TTC27: variants seen among roughly 807,000 people sequenced by gnomAD.
TTC27 encodes tetratricopeptide repeat protein 27.
TTC27 carries 79 observed loss-of-function variants against 115.9 expected under a neutral mutation model. The ratio of observed to expected loss-of-function variants is 0.68; its 90% CI spans 0.57 to 0.82. TTC27 has a LOEUF of 0.82. Ranked by LOEUF, TTC27 falls within the 40% of genes least tolerant of loss-of-function variation. TTC27 has a pLI of 0.00. For synonymous variants in TTC27, 401 were observed against 356.0 expected (o/e 1.13, Z -1.42); for missense variants, 1,054 against 993.1 (o/e 1.06, Z -0.82).
chr2:32,658,710 G>T (rs186569083), intron 5 of TTC27, among the ~76,000 whole-genome samples: 130 of 152,196 alleles, frequency 8.5e-4, no homozygotes, highest in South Asian at 2.3e-3. Context: ...TTCTGTTTGG[G>T]GGATCAATTG....
intron 2 of TTC27, among the ~76,000 whole-genome samples, chr2:32,631,164 A>G (rs1380191032): frequency 6.6e-6 from 1 of 152,142 alleles, no homozygotes; most frequent in African/African-American, 2.4e-5. Context: ...TTAGCTGGGC[A>G]TGGTGGCATG....
chr2:32,680,929 C>T (rs1572509658), intron 9 of TTC27, among the ~76,000 whole-genome samples: 1 of 152,158 alleles, frequency 6.6e-6, no homozygotes, highest in Middle Eastern at 3.4e-3. Context: ...ACCTATTCTC[C>T]TTCCCTTGCA....
rs372729688 is a variant in TTC27, at chr2:32,755,476, G to A, written c.1453-2816G>A. On this transcript the variant is annotated intron_variant, in intron 12 of 19. Coordinates refer to ENST00000317907, the MANE Select transcript of TTC27 (RefSeq NM_017735.5). ...CGCGTGCCTGCAATCGCAGACACTC[G>A]GCAGGCTGAGGCAGGAGAATCAGGC... 2.8e-4 allele frequency among the ~76,000 whole-genome samples: 43 copies of A among 152,308 alleles called. No homozygotes were observed. The East Asian group carries it at 7.3e-3, about 26-fold the overall frequency.
intron 10 of TTC27, among the ~76,000 whole-genome samples, chr2:32,706,075 CTCTTTTTTTT>C (rs1419772748): frequency 1.2e-5 from 1 of 83,050 alleles, no homozygotes; most frequent in Non-Finnish European, 2.4e-5. Flanking sequence ...ATTTACCTTA[CTCTTTTTTTT>C]TTTTTTTTTT....
chr2:32,712,419 G>A (rs1271990119), intron 10 of TTC27, among the ~76,000 whole-genome samples: 1 of 152,154 alleles, frequency 6.6e-6, no homozygotes, highest in African/African-American at 2.4e-5. Flanking sequence ...CTATGATTCA[G>A]AAGCTGCTTG....
At chr2:32,651,780 G>T (rs1335228948) in intron 5 of TTC27, among the ~76,000 whole-genome samples, 3 of 152,136 alleles carry the variant, frequency 2.0e-5, no homozygotes, top group Non-Finnish European at 2.9e-5. Flanking sequence ...TTCTAGGACA[G>T]AAATACATAA....
chr2:32,680,579 G>A (rs553246577), intron 9 of TTC27, among the ~76,000 whole-genome samples: 207 of 152,226 alleles, frequency 1.4e-3, no homozygotes, highest in African/African-American at 4.7e-3. Context: ...TGAAATGAGG[G>A]ATGGGGGAAG....
intron 16 of TTC27, among the ~76,000 whole-genome samples, chr2:32,799,387 A>G (rs1356017249): frequency 2.6e-5 from 4 of 152,194 alleles, no homozygotes; most frequent in Non-Finnish European, 4.4e-5. Context: ...TCTAAATTGT[A>G]TGTTATGTGT....
chr2:32,651,338 G>T (rs1191568138), intron 5 of TTC27, among the ~76,000 whole-genome samples: 5 of 151,972 alleles, frequency 3.3e-5, no homozygotes, highest in Non-Finnish European at 7.4e-5. Flanking sequence ...ACCTTTTGGG[G>T]GTCTGTTTCC....
chr2:32,801,534 G>A (rs1670939025), intron 16 of TTC27, among the ~76,000 whole-genome samples: 1 of 152,148 alleles, frequency 6.6e-6, no homozygotes, highest in South Asian at 2.1e-4. Context: ...TAGTTACATT[G>A]CAAAGACCCT....
At position 32,650,236 on chromosome 2, in the gene TTC27, A is replaced by T; in HGVS notation, c.640+3A>T. ...TGCCGAAAACTGTATTGATCAAGGT[A>T]TGTAGCAGATTTTTGTTTGATATGG... is the stretch of plus-strand genomic sequence containing the variant. On this transcript the variant is annotated splice_donor_region_variant and intron_variant, in intron 5 of 19. Coordinates refer to ENST00000317907, the MANE Select transcript of TTC27 (RefSeq NM_017735.5). 6.2e-7 allele frequency: 1 copy of T among 1,611,206 alleles called. No homozygotes were observed. Among genetic ancestry groups the T allele is most frequent in the Non-Finnish European group, 8.5e-7 (1 of 1,178,400 alleles).
At chr2:32,798,285 AG>A (rs1333692994) in intron 16 of TTC27, among the ~76,000 whole-genome samples, 1 of 151,868 alleles carries the variant, frequency 6.6e-6, no homozygotes, top group Non-Finnish European at 1.5e-5. Context: ...CTGTAGTCCC[AG>A]CTATTTGGGA....
intron 10 of TTC27, among the ~76,000 whole-genome samples, chr2:32,711,297 T>TA (rs1667572238): frequency 6.6e-6 from 1 of 152,174 alleles, no homozygotes; most frequent in Admixed American, 6.6e-5. Context: ...ATTAGACAGT[T>TA]ACTTCTGCCT....
intron 9 of TTC27, among the ~76,000 whole-genome samples, chr2:32,697,169 G>A (rs1177060121): frequency 6.8e-6 from 1 of 146,736 alleles, no homozygotes; most frequent in Non-Finnish European, 1.5e-5. Context: ...TCTAGCTTGG[G>A]CAATAGAGTG....
chr2:32,662,963 C>G (rs1201769086), intron 5 of TTC27, among the ~76,000 whole-genome samples: 1 of 152,118 alleles, frequency 6.6e-6, no homozygotes, highest in Non-Finnish European at 1.5e-5. Flanking sequence ...TCCAGAGATT[C>G]TTTGTTTACA....
In TTC27 at chr2:32,628,266, G is replaced by C. The variant is rs777287142; in HGVS notation, c.-27G>C. ...TCCCGTGTGGCCCTCGTGGGAGCCTGTTTTGGCTGCAGCGGTGTCTGGGGT... is the reference window on the plus strand; with the variant it reads ...TCCCGTGTGGCCCTCGTGGGAGCCTCTTTTGGCTGCAGCGGTGTCTGGGGT... On this transcript the variant is annotated 5_prime_UTR_variant, in exon 1 of 20. Coordinates refer to ENST00000317907, the MANE Select transcript of TTC27 (RefSeq NM_017735.5). 4 of 1,593,122 alleles carry C rather than the reference G, an allele frequency of 2.5e-6. No homozygotes were observed. Among genetic ancestry groups the C allele is most frequent in the South Asian group, 1.1e-5 (1 of 87,226 alleles).
At chr2:32,746,343 C>A (rs1000071845) in intron 12 of TTC27, among the ~76,000 whole-genome samples, 6 of 151,742 alleles carry the variant, frequency 4.0e-5, no homozygotes, top group Non-Finnish European at 5.9e-5. Flanking sequence ...GGGTGGATTA[C>A]CTGAGGTCAG....
chr2:32,660,383 G>C (rs374873693), intron 5 of TTC27, among the ~76,000 whole-genome samples: 1 of 152,112 alleles, frequency 6.6e-6, no homozygotes, highest in Non-Finnish European at 1.5e-5. Flanking sequence ...TAAAGAAAAT[G>C]TGGCACATAT....
At chr2:32,772,062 TACC>T (rs1669847462) in intron 13 of TTC27, among the ~76,000 whole-genome samples, 1 of 152,230 alleles carries the variant, frequency 6.6e-6, no homozygotes, top group African/African-American at 2.4e-5. Context: ...TCATAAGTGG[TACC>T]CATTGCAGAT....
Sources: gnomAD v4.1 joint callset for allele counts (sites outside exome capture counted in the v4.1 genomes callset) on GRCh38, gnomAD v4.1.1 for gene constraint, MANE v1.5 for transcripts, NCBI Gene and HGNC (gene_info 2026-07-23, HGNC 2026-07-21) for gene names.